SERPINB8: variants seen among roughly 807,000 people sequenced by gnomAD.
The protein encoded by SERPINB8 is serpin B8.
A neutral mutation model predicts 35.3 loss-of-function variants in SERPINB8; 25 were observed. The ratio of observed to expected loss-of-function variants is 0.71; its 90% confidence interval spans 0.52 to 0.99. SERPINB8 has a LOEUF of 0.99. SERPINB8 is among the 50% of genes least tolerant of loss of function. SERPINB8 has a pLI of 0.00. For missense variants in SERPINB8, 484 were observed against 446.5 expected (o/e 1.08, Z -0.76); for synonymous variants, 186 against 160.8 (o/e 1.16, Z -1.19).
intron 7 of SERPINB8, among the ~76,000 whole-genome samples, chr18:64,016,746 T>C (rs1379583745): frequency 1.3e-5 from 2 of 152,102 alleles, no homozygotes; most frequent in African/African-American, 4.8e-5. Flanking sequence ...TTGGTGGAAG[T>C]CCTGAATTAT....
intron 1 of SERPINB8, among the ~76,000 whole-genome samples, chr18:63,995,921 G>A (rs2050846886): frequency 6.6e-6 from 1 of 152,176 alleles, no homozygotes; most frequent in African/African-American, 2.4e-5. Flanking sequence ...GGGAAGAAAT[G>A]TAACCATGTG....
chr18:63,987,021 G>C lies in SERPINB8; in HGVS notation c.868G>C (p.Asp290His), dbSNP rs759606314. The stretch of plus-strand genomic sequence containing the variant: ...TTTCCTTCGAAGATTAGGAATGATC[G>C]ATGCTTTTGACGAAGCCAAGGCAGA... ...EPFLRRLGMI[D>H]AFDEAKADFS... The change falls in exon 7 of 7, where the codon GAT becomes CAT. Residue 290 changes from aspartate (D) to histidine (H), a missense_variant. Asp to His is a moderately conservative substitution (Grantham distance 81, BLOSUM62 -1). Coordinates refer to ENST00000397985, the MANE Select transcript of SERPINB8 (RefSeq NM_002640.4). The C allele has an allele frequency of 3.1e-6, 5 of 1,614,080 alleles. No individual in the cohort carries two copies. The highest frequency in any genetic ancestry group is 4.2e-6 in the Non-Finnish European group (5 of 1,180,056).
At chr18:63,991,845 G>A (rs569614692), downstream of SERPINB8, among the ~76,000 whole-genome samples, 11 of 152,164 alleles carry the variant, frequency 7.2e-5, no homozygotes, top group East Asian at 5.8e-4. Flanking sequence ...TCTTTTATTC[G>A]TAGTTTGTTG....
rs1028744966 is a variant in SERPINB8, at chr18:63,988,399, T to C, written c.*1121T>C. 6.6e-6 allele frequency: 1 copy of C among 152,216 alleles called. No homozygotes were observed. The highest frequency in any genetic ancestry group is 1.9e-4 in the East Asian group (1 of 5,204). The allele number at this position is 152,216 out of a possible 1,614,324, so 9.4% of individuals were successfully genotyped here. A position where few individuals can be genotyped will look rare whatever the true frequency, so the allele number is the denominator to read the frequency against. ...GTTTGAGTAATTAAAATTATTTCTA[T>C]TAACAAATAATAGATTGCTAATAAT... On this transcript the variant is annotated 3_prime_UTR_variant, in exon 7 of 7. Coordinates refer to ENST00000397985, the MANE Select transcript of SERPINB8 (RefSeq NM_002640.4).
chr18:63,974,776 A>AAGAGTCATT, intron 1 of SERPINB8, among the ~76,000 whole-genome samples: 1 of 152,274 alleles, frequency 6.6e-6, no homozygotes, highest in East Asian at 1.9e-4. Flanking sequence ...AGACAGGGGG[A>AAGAGTCATT]AGAGTCATTC....
chr18:63,984,147 T>C (rs1300177844), intron 5 of SERPINB8, among the ~76,000 whole-genome samples: 1 of 152,226 alleles, frequency 6.6e-6, no homozygotes, highest in Non-Finnish European at 1.5e-5. Flanking sequence ...GTGCCTGGCT[T>C]CTTTTCTGAA....
intron 6 of SERPINB8, chr18:63,986,153 C>A: frequency 1.0e-6 from 1 of 956,946 alleles, no homozygotes; most frequent in Non-Finnish European, 1.6e-6. Context: ...CAAAACAATG[C>A]TCGTTGGAGA....
intron 1 of SERPINB8, among the ~76,000 whole-genome samples, chr18:64,002,058 A>T (rs1158381111): frequency 6.6e-6 from 1 of 152,090 alleles, no homozygotes; most frequent in African/African-American, 2.4e-5. Flanking sequence ...GTCTCTGATG[A>T]CATCACGGGC....
intron 4 of SERPINB8, 70 bp downstream of exon 4, chr18:63,981,908 T>A: frequency 8.2e-6 from 9 of 1,092,048 alleles, no homozygotes; most frequent in African/African-American, 1.5e-5. Context: ...GGGATGGGAC[T>A]TCCCAGGGTG....
chr18:64,008,270 T>A (rs138249947), downstream of SERPINB8, among the ~76,000 whole-genome samples: 348 of 152,056 alleles, frequency 2.3e-3, 1 homozygote, highest in Non-Finnish European at 4.0e-3. Flanking sequence ...TGACACAGAG[T>A]CTCGCTCTGT....
rs753735864 is a variant in SERPINB8, at chr18:63,983,559, A to T, written c.425-20A>T. ...GCTTATTTCCCCACAAATTGCAATA[A>T]ACTCTCATATTCTTTATAGGTAAGA... is the stretch of plus-strand genomic sequence containing the variant. On this transcript the variant is annotated intron_variant, in intron 4 of 6. Coordinates refer to ENST00000397985, the MANE Select transcript of SERPINB8 (RefSeq NM_002640.4). 5 of 1,610,036 alleles carry T rather than the reference A, an allele frequency of 3.1e-6. No individual in the cohort carries two copies. In the South Asian group the frequency reaches 5.5e-5, roughly 18 times the overall value.
intron 1 of SERPINB8, among the ~76,000 whole-genome samples, chr18:63,976,261 T>C (rs752123554): frequency 2.9e-4 from 44 of 152,166 alleles, no homozygotes; most frequent in African/African-American, 9.7e-5. Context: ...CTGAGGGAAA[T>C]TGAGATGAGT....
intron 5 of SERPINB8, among the ~76,000 whole-genome samples, chr18:63,984,684 T>C (rs2050723202): frequency 2.0e-5 from 3 of 152,344 alleles, no homozygotes; most frequent in South Asian, 4.1e-4. Context: ...AAGGCAACTT[T>C]CCAGAGTTTG....
At chr18:64,003,668 T>A (rs1443200487) in intron 1 of SERPINB8, among the ~76,000 whole-genome samples, 2 of 152,052 alleles carry the variant, frequency 1.3e-5, no homozygotes, top group African/African-American at 4.8e-5. Context: ...CCAGCCTGAA[T>A]GTGAAGGCCT....
chr18:63,985,183 T>C lies in SERPINB8; in HGVS notation c.658T>C (p.Tyr220His), dbSNP rs201264307. The C allele has an allele frequency of 4.1e-4, 666 of 1,614,076 alleles. 1 individual carries two copies. Among genetic ancestry groups the C allele is most frequent in the Non-Finnish European group, 5.3e-4 (629 of 1,180,040 alleles). The change falls in exon 6 of 7, where the codon TAT becomes CAT. Residue 220 changes from tyrosine (Y) to histidine (H), a missense_variant. Coordinates refer to ENST00000397985, the MANE Select transcript of SERPINB8 (RefSeq NM_002640.4). Reference protein sequence around the residue: ...EVHTQVLELPYVEEELSMVIL... With the variant: ...EVHTQVLELPHVEEELSMVIL... Reference sequence around the variant, plus strand: ...ACACACCCAGGTCCTGGAGCTGCCCTATGTGGAAGAGGAGCTGAGCATGGT... The same window carrying C: ...ACACACCCAGGTCCTGGAGCTGCCCCATGTGGAAGAGGAGCTGAGCATGGT...
intron 2 of SERPINB8, among the ~76,000 whole-genome samples, chr18:63,979,155 C>G (rs1452246685): frequency 1.3e-5 from 2 of 152,182 alleles, no homozygotes; most frequent in Non-Finnish European, 2.9e-5. Context: ...AGTTGACATC[C>G]TTCTGTGGTT....
downstream of SERPINB8, among the ~76,000 whole-genome samples, chr18:64,007,002 A>C (rs776173706): frequency 4.6e-5 from 7 of 151,858 alleles, no homozygotes; most frequent in Non-Finnish European, 8.8e-5. Flanking sequence ...ATGAAACAGC[A>C]GACAAACAAT....
rs748296670 is a variant in SERPINB8 at position 63,987,192 on chromosome 18, T to C, written c.1039T>C (p.Phe347Leu). The C allele has an allele frequency of 3.7e-6, 6 of 1,614,174 alleles. No homozygotes were observed. Among genetic ancestry groups the C allele is most frequent in the East Asian group, 2.2e-5 (1 of 44,876 alleles). The change falls in exon 7 of 7, where the codon TTC becomes CTC. Residue 347 changes from phenylalanine (F) to leucine (L), a missense_variant. By Grantham distance (22) the Phe-to-Leu change is conservative. Transcript: ENST00000397985. ...NSRCSRMEPR[F>L]CADHPFLFFI... is the part of the protein sequence containing the mutation. ...CCGGTGCAGCAGAATGGAGCCAAGATTCTGTGCAGACCACCCTTTTCTTTT... is the reference window on the plus strand; with the variant it reads ...CCGGTGCAGCAGAATGGAGCCAAGACTCTGTGCAGACCACCCTTTTCTTTT...
At chr18:64,012,187 T>C (rs1250264633) in intron 7 of SERPINB8, among the ~76,000 whole-genome samples, 1 of 152,194 alleles carries the variant, frequency 6.6e-6, no homozygotes, top group Non-Finnish European at 1.5e-5. Context: ...CTAAAAGAAC[T>C]CTTTACATAT....
Sources: gnomAD v4.1 joint callset for allele counts (sites outside exome capture counted in the v4.1 genomes callset) on GRCh38, gnomAD v4.1.1 for gene constraint, MANE v1.5 for transcripts, NCBI Gene and HGNC (gene_info 2026-07-23, HGNC 2026-07-21) for gene names.